AK9: variants seen among roughly 807,000 people sequenced by gnomAD.
The protein encoded by AK9 is adenylate kinase 9.
AK9 carries 191 observed loss-of-function variants against 239.6 expected under a neutral mutation model. That is an observed-to-expected ratio of 0.80 (90% CI 0.71 to 0.90). The LOEUF (loss-of-function observed/expected upper bound fraction) is 0.90. Ranked by LOEUF, AK9 falls within the 40% of genes least tolerant of loss-of-function variation. The probability of loss-of-function intolerance (pLI) is 0.00; values close to 1 mark genes in which losing one functional copy is unlikely to be tolerated. For synonymous variants in AK9, 689 were observed against 721.0 expected (o/e 0.96, Z 0.71); for missense variants, 1,995 against 2,214.7 (o/e 0.90, Z 1.99).
chr6:109,623,811 A>G (rs1288346811), intron 12 of AK9, among the ~76,000 whole-genome samples: 1 of 151,206 alleles, frequency 6.6e-6, no homozygotes, highest in Admixed American at 6.6e-5. Context: ...ATCTGAAATT[A>G]CCTGGATAAA....
chr6:109,559,977 C>T lies in AK9; in HGVS notation c.2751+3620G>A, dbSNP rs891917327. Among the ~76,000 whole-genome samples the T allele has an allele frequency of 2.0e-5, 3 of 152,120 alleles. No individual in the cohort carries two copies. In the East Asian group the frequency reaches 5.8e-4, roughly 29 times the overall value. On this transcript the variant is annotated intron_variant, in intron 24 of 40. Coordinates refer to ENST00000424296, the MANE Select transcript of AK9 (RefSeq NM_001145128.3). ...TGGTCCTTTTCTCTATCTTCAAAGC[C>T]GGCTTAAAAGCACCTTCTCTCTGAC... is the stretch of plus-strand genomic sequence containing the variant.
At chr6:109,549,681 T>TTTG (rs1784083221) in intron 25 of AK9, 1 of 145,090 alleles carries the variant, frequency 6.9e-6, no homozygotes, top group African/African-American at 2.5e-5. Flanking sequence ...TTTTTTTTTT[T>TTTG]TTGAGACGGA....
chr6:109,557,151 CCTTGGATGGGGTTTTTG>C (rs758732730), intron 24 of AK9, among the ~76,000 whole-genome samples: 13 of 151,848 alleles, frequency 8.6e-5, no homozygotes, highest in Non-Finnish European at 1.9e-4. Flanking sequence ...GGCTGCTGAC[CCTTGGATGGGGTTTTTG>C]TGGGGGCCTT....
intron 27 of AK9, among the ~76,000 whole-genome samples, chr6:109,540,669 A>C (rs9320295): frequency 0.58 from 88,180 of 151,714 alleles, 27,295 homozygotes; most frequent in South Asian, 0.84. Context: ...TTGGAAATTC[A>C]GAAATCACCT....
At chr6:109,646,240 G>A (rs1490231685) in intron 8 of AK9, among the ~76,000 whole-genome samples, 1 of 152,186 alleles carries the variant, frequency 6.6e-6, no homozygotes, top group Non-Finnish European at 1.5e-5. Context: ...GACGGAGAAT[G>A]ACTTTGACAA....
intron 23 of AK9, 135 bp downstream of exon 23, chr6:109,563,945 T>C (rs1356145376): frequency 9.4e-7 from 1 of 1,065,368 alleles, no homozygotes; most frequent in African/African-American, 1.6e-5. Context: ...TGATAGTTGC[T>C]AAGTATTTTA....
intron 40 of AK9, 43 bp downstream of exon 40, chr6:109,493,938 T>C (rs1221317308): frequency 2.9e-6 from 4 of 1,386,908 alleles, no homozygotes; most frequent in Admixed American, 1.8e-5. Flanking sequence ...CTACCATTAA[T>C]GTTAAATTTG....
intron 32 of AK9, among the ~76,000 whole-genome samples, chr6:109,510,064 G>A (rs1404969116): frequency 6.6e-6 from 1 of 152,014 alleles, no homozygotes; most frequent in Non-Finnish European, 1.5e-5. Flanking sequence ...TGGGCAGAAG[G>A]GGGTGGGTCC....
chr6:109,670,387 A>G (rs1464337534), intron 5 of AK9, among the ~76,000 whole-genome samples: 1 of 152,198 alleles, frequency 6.6e-6, no homozygotes, highest in Non-Finnish European at 1.5e-5. Context: ...GATTAGCTTC[A>G]AAATAACATA....
At chr6:109,617,068 A>G (rs1794270126) in intron 13 of AK9, among the ~76,000 whole-genome samples, 1 of 152,148 alleles carries the variant, frequency 6.6e-6, no homozygotes, top group African/African-American at 2.4e-5. Context: ...AAATGACAAA[A>G]TATCTGGAAA....
At chr6:109,620,567 T>G (rs1794689207) in intron 12 of AK9, among the ~76,000 whole-genome samples, 1 of 152,116 alleles carries the variant, frequency 6.6e-6, no homozygotes, top group Non-Finnish European at 1.5e-5. Context: ...AATAGGATTC[T>G]ATGTGTCTTT....
intron 26 of AK9, among the ~76,000 whole-genome samples, chr6:109,543,418 G>A (rs1371574206): frequency 6.6e-6 from 1 of 152,036 alleles, no homozygotes; most frequent in African/African-American, 2.4e-5. Flanking sequence ...TTAAAATCTA[G>A]ACTTGTTAAG....
intron 8 of AK9, among the ~76,000 whole-genome samples, chr6:109,652,002 T>C (rs1261611046): frequency 6.6e-6 from 1 of 152,186 alleles, no homozygotes; most frequent in Non-Finnish European, 1.5e-5. Context: ...CCATTCCTTC[T>C]GAAATTATTC....
At chr6:109,621,905 A>T (rs1209866132) in intron 12 of AK9, among the ~76,000 whole-genome samples, 1 of 39,776 alleles carries the variant, frequency 2.5e-5, no homozygotes, top group Admixed American at 4.2e-4. Context: ...AAAAAAAAAA[A>T]AAAAAAACAA....
chr6:109,623,044 G>A (rs1429804581), intron 12 of AK9, among the ~76,000 whole-genome samples: 2 of 152,076 alleles, frequency 1.3e-5, no homozygotes, highest in African/African-American at 4.8e-5. Context: ...CTCTCTATCA[G>A]GGAGGTGGTA....
intron 10 of AK9, 81 bp downstream of exon 10, chr6:109,641,437 G>C (rs1233431842): frequency 3.7e-6 from 4 of 1,067,576 alleles, no homozygotes; most frequent in Non-Finnish European, 5.5e-6. Flanking sequence ...ATCCTCCCAT[G>C]GGATTACAGG....
At chr6:109,615,664 T>C (rs1310928626) in intron 13 of AK9, among the ~76,000 whole-genome samples, 4 of 152,164 alleles carry the variant, frequency 2.6e-5, no homozygotes, top group Admixed American at 2.6e-4. Context: ...ATTTTATTTG[T>C]TTATAGGCTG....
At chr6:109,647,444 C>A (rs569023503) in intron 8 of AK9, among the ~76,000 whole-genome samples, 5 of 152,236 alleles carry the variant, frequency 3.3e-5, no homozygotes, top group Admixed American at 3.3e-4. Context: ...CAATCCTAGT[C>A]TCTGATAAAA....
intron 1 of AK9, among the ~76,000 whole-genome samples, chr6:109,683,138 T>C (rs992557837): frequency 7.2e-5 from 11 of 152,060 alleles, no homozygotes; most frequent in African/African-American, 2.7e-4. Context: ...ATAGAACCAA[T>C]GACAAAACCA....
Sources: allele counts gnomAD v4.1 joint callset (sites outside exome capture counted in the v4.1 genomes callset), GRCh38; gene constraint gnomAD v4.1.1; transcripts MANE v1.5; gene names NCBI Gene and HGNC (gene_info 2026-07-23, HGNC 2026-07-21).